FRMD4A: variants seen among roughly 807,000 people sequenced by gnomAD.
FRMD4A encodes FERM domain-containing protein 4A.
A neutral mutation model predicts 129.1 loss-of-function variants in FRMD4A; 29 were observed. That is an observed-to-expected ratio of 0.22 (90% confidence interval 0.17 to 0.31). The LOEUF (loss-of-function observed/expected upper bound fraction) is 0.31. FRMD4A is among the 10% of genes least tolerant of loss of function. FRMD4A has a pLI of 1.00. For missense variants in FRMD4A, 1,272 were observed against 1,375.8 expected (o/e 0.92, Z 1.19); for synonymous variants, 634 against 571.6 (o/e 1.11, Z -1.56).
chr10:14,264,809 T>C (rs1844921437), intron 2 of FRMD4A, among the ~76,000 whole-genome samples: 1 of 151,948 alleles, frequency 6.6e-6, no homozygotes, highest in Non-Finnish European at 1.5e-5. Flanking sequence ...TTAGACGAAG[T>C]CTTGCTCTGT....
chr10:14,036,135 T>C (rs1353397026), intron 2 of FRMD4A, among the ~76,000 whole-genome samples: 1 of 151,986 alleles, frequency 6.6e-6, no homozygotes, highest in Non-Finnish European at 1.5e-5. Context: ...AGAAAACAAG[T>C]GCCTTAGAAA....
rs754425373 is a variant in FRMD4A at position 13,858,907 on chromosome 10, C to T, written c.51G>A (p.Thr17=). 27 of 1,591,340 alleles carry T rather than the reference C, an allele frequency of 1.7e-5. No individual in the cohort carries two copies. The highest frequency in any genetic ancestry group is 8.8e-5 in the South Asian group (8 of 90,604). ...GATGTACTTGACATCGGCGGCCCTC[C>T]GTCATCTAAGAGGGAAGAGAAATGG... The part of the protein sequence containing the change: ...PDSALGLLMM[T]EGRRCQVHLL... Residue 17 remains threonine, a synonymous_variant, in exon 3 of 25, where the codon ACG becomes ACA. Coordinates refer to ENST00000357447, the MANE Select transcript of FRMD4A (RefSeq NM_018027.5).
chr10:13,750,104 G>GAAAGAAAT lies in FRMD4A; in HGVS notation c.465-2286_465-2285insATTTCTTT, dbSNP rs1197003000. On this transcript the variant is annotated intron_variant, in intron 8 of 24. Transcript: ENST00000357447. ...AGAAAGAAAGAAAGAAAGAAAGAAAGAAATGAAGAAAGAAAGAAAGAAAGA... is the reference window on the plus strand; with the variant it reads ...AGAAAGAAAGAAAGAAAGAAAGAAAGAAAGAAATAAATGAAGAAAGAAAGAAAGAAAGA... Among the ~76,000 whole-genome samples the GAAAGAAAT allele has an allele frequency of 5.3e-3, 561 of 105,758 alleles. 8 individuals carry two copies. The highest frequency in any genetic ancestry group is 0.02 in the African/African-American group (542 of 27,098). The allele number at this position is 105,758 out of a possible 152,430, so 69.4% of individuals were successfully genotyped here.
chr10:14,061,132 G>A (rs773998214), intron 2 of FRMD4A, among the ~76,000 whole-genome samples: 3 of 152,088 alleles, frequency 2.0e-5, no homozygotes, highest in Non-Finnish European at 4.4e-5. Context: ...AGCACATTCT[G>A]GCTATAAATA....
intron 2 of FRMD4A, among the ~76,000 whole-genome samples, chr10:13,970,709 C>G (rs1268195255): frequency 2.0e-5 from 3 of 152,310 alleles, no homozygotes; most frequent in South Asian, 2.1e-4. Context: ...CTGCGCCCCC[C>G]ACTCCCCACG....
intron 2 of FRMD4A, among the ~76,000 whole-genome samples, chr10:14,154,792 C>A (rs1314532747): frequency 2.6e-5 from 4 of 152,192 alleles, no homozygotes; most frequent in African/African-American, 9.6e-5. Flanking sequence ...TTTTTTCCTA[C>A]CCAACCTTCT....
chr10:14,096,228 G>A (rs1373422431), intron 2 of FRMD4A, among the ~76,000 whole-genome samples: 2 of 152,170 alleles, frequency 1.3e-5, no homozygotes, highest in African/African-American at 4.8e-5. Flanking sequence ...TGTCCCTTCT[G>A]TCATGTGAGG....
At chr10:14,244,535 A>G (rs191078648) in intron 2 of FRMD4A, among the ~76,000 whole-genome samples, 1 of 152,208 alleles carries the variant, frequency 6.6e-6, no homozygotes, top group Non-Finnish European at 1.5e-5. Context: ...TTATAATTTG[A>G]TGTGATATTT....
chr10:13,747,252 G>T (rs1392018932), intron 9 of FRMD4A, among the ~76,000 whole-genome samples: 1 of 151,988 alleles, frequency 6.6e-6, no homozygotes, highest in African/African-American at 2.4e-5. Context: ...TAGAAAACGG[G>T]CCAGGCGTGG....
At chr10:13,870,698 C>G (rs1466578159) in intron 2 of FRMD4A, 1 of 144,548 alleles carries the variant, frequency 6.9e-6, no homozygotes, top group East Asian at 2.0e-4. Flanking sequence ...CTCCCCTCCC[C>G]TCCTGCTAGG....
At chr10:14,082,413 C>T (rs1464277499) in intron 2 of FRMD4A, among the ~76,000 whole-genome samples, 1 of 152,088 alleles carries the variant, frequency 6.6e-6, no homozygotes, top group Non-Finnish European at 1.5e-5. Flanking sequence ...CTTAACCTCA[C>T]TTTCCTAGGA....
At chr10:14,106,893 T>C (rs1837616408) in intron 2 of FRMD4A, among the ~76,000 whole-genome samples, 1 of 151,742 alleles carries the variant, frequency 6.6e-6, no homozygotes, top group Non-Finnish European at 1.5e-5. Context: ...AAAATACACC[T>C]ACACTCGTAT....
chr10:14,244,712 C>T (rs147453073), intron 2 of FRMD4A, among the ~76,000 whole-genome samples: 200 of 152,278 alleles, frequency 1.3e-3, no homozygotes, highest in Non-Finnish European at 2.4e-3. Context: ...TATTACATAT[C>T]CATTTTCCAG....
At chr10:13,772,583 C>G (rs575137994) in intron 6 of FRMD4A, among the ~76,000 whole-genome samples, 1 of 152,320 alleles carries the variant, frequency 6.6e-6, no homozygotes, top group East Asian at 1.9e-4. Context: ...CACAAACCAT[C>G]TTTGTGTCCT....
At chr10:13,816,046 C>A (rs765625683) in intron 3 of FRMD4A, among the ~76,000 whole-genome samples, 1 of 152,218 alleles carries the variant, frequency 6.6e-6, no homozygotes, top group Non-Finnish European at 1.5e-5. Flanking sequence ...CTGGAACAAA[C>A]TTCATCTTTT....
chr10:14,323,925 T>C (rs114708776), intron 2 of FRMD4A, among the ~76,000 whole-genome samples: 322 of 152,300 alleles, frequency 2.1e-3, no homozygotes, highest in Middle Eastern at 0.014. Context: ...GGGAGAAGAA[T>C]CTGCCAGAAA....
intron 2 of FRMD4A, among the ~76,000 whole-genome samples, chr10:13,875,527 G>A (rs191219954): frequency 8.7e-4 from 132 of 152,228 alleles, no homozygotes; most frequent in Middle Eastern, 3.4e-3. Context: ...GTTTTGTGTC[G>A]TACTCTTCAC....
At chr10:13,765,412 C>T (rs1302819994) in intron 6 of FRMD4A, among the ~76,000 whole-genome samples, 1 of 152,060 alleles carries the variant, frequency 6.6e-6, no homozygotes, top group Admixed American at 6.6e-5. Flanking sequence ...CCACCATGCC[C>T]GGCCGATTCA....
chr10:14,089,878 C>T (rs139824145), intron 2 of FRMD4A, among the ~76,000 whole-genome samples: 1 of 152,182 alleles, frequency 6.6e-6, no homozygotes, highest in Admixed American at 6.5e-5. Context: ...ACGGATTGAA[C>T]CTCATGGGCC....
Sources: gnomAD v4.1 joint callset for allele counts (sites outside exome capture counted in the v4.1 genomes callset) on GRCh38, gnomAD v4.1.1 for gene constraint, MANE v1.5 for transcripts, NCBI Gene and HGNC (gene_info 2026-07-23, HGNC 2026-07-21) for gene names.